The following ALG6 variants were observed in gnomAD, a reference collection of about 807,000 sequenced individuals.
ALG6 encodes dolichyl pyrophosphate Man9GlcNAc2 alpha-1,3-glucosyltransferase.
Under a neutral mutation model 66.6 loss-of-function variants are expected in ALG6, and 46 were observed. The ratio of observed to expected loss-of-function variants is 0.69; its 90% CI spans 0.55 to 0.88. The LOEUF (loss-of-function observed/expected upper bound fraction) is 0.88. ALG6 is among the 40% of genes least tolerant of loss of function. The pLI, the probability that ALG6 is intolerant of heterozygous loss-of-function variation, is 0.00. For synonymous variants in ALG6, 185 were observed against 203.7 expected (o/e 0.91, Z 0.78); for missense variants, 505 against 586.8 (o/e 0.86, Z 1.44).
intron 3 of ALG6, among the ~76,000 whole-genome samples, chr1:63,398,815 TC>T (rs1644427284): frequency 6.6e-6 from 1 of 152,170 alleles, no homozygotes; most frequent in Non-Finnish European, 1.5e-5. Flanking sequence ...TTCATTTCTT[TC>T]CCCCGTGTTT....
rs1036781607 is a variant in ALG6, at chr1:63,404,434, T to C, written c.258-19T>C. The C allele has an allele frequency of 2.5e-6, 4 of 1,580,548 alleles. No individual in the cohort carries two copies. Among genetic ancestry groups the C allele is most frequent in the Non-Finnish European group, 3.5e-6 (4 of 1,149,490 alleles). ...AGGGATGAGGAATGAAGTATCTGTA[T>C]ATATGCTTTGATTTGCAGGGCAAAG... On this transcript the variant is annotated intron_variant, in intron 4 of 14. Transcript: ENST00000263440.
intron 14 of ALG6, 47 bp downstream of exon 14, chr1:63,429,173 T>C (rs1375230159): frequency 7.4e-7 from 1 of 1,356,394 alleles, no homozygotes; most frequent in Non-Finnish European, 1.0e-6. Context: ...CATGTCACTA[T>C]TTTAAAAAAT....
chr1:63,394,444 A>G (rs1019367508), intron 2 of ALG6, among the ~76,000 whole-genome samples: 2 of 151,842 alleles, frequency 1.3e-5, no homozygotes, highest in African/African-American at 4.8e-5. Flanking sequence ...CAGTGGCGCA[A>G]TCTCAGCTCA....
At chr1:63,378,225 A>G (rs1347924381) in intron 2 of ALG6, among the ~76,000 whole-genome samples, 1 of 151,994 alleles carries the variant, frequency 6.6e-6, no homozygotes, top group Non-Finnish European at 1.5e-5. Flanking sequence ...TTTCAGTCTT[A>G]AAGTTTTGCT....
chr1:63,399,339 T>G (rs1322165655), intron 3 of ALG6, among the ~76,000 whole-genome samples: 1 of 152,206 alleles, frequency 6.6e-6, no homozygotes, highest in African/African-American at 2.4e-5. Context: ...CCTATCACAT[T>G]TACCATATTG....
intron 11 of ALG6, among the ~76,000 whole-genome samples, chr1:63,418,640 G>T (rs1644557126): frequency 6.6e-6 from 1 of 152,154 alleles, no homozygotes; most frequent in South Asian, 2.1e-4. Flanking sequence ...GCTGTTTGGA[G>T]AATGGACTAT....
In ALG6 at chr1:63,411,299, C is replaced by G. The variant is rs1270440540; in HGVS notation, c.648C>G (p.Gly216=). 16 of 1,613,556 alleles carry G rather than the reference C, an allele frequency of 9.9e-6. No homozygotes were observed. The highest frequency in any genetic ancestry group is 1.4e-5 in the Non-Finnish European group (16 of 1,179,828). The part of the protein sequence containing the change: ...HALPFFCFLL[G]KCFKKGLKGK... ...TGCCATTTTTTTGCTTTTTACTTGG[C>G]AAGTGTTTTAAAAAAGGCCTCAAAG... Residue 216 remains glycine, a synonymous_variant, in exon 8 of 15, where the codon GGC becomes GGG. Coordinates refer to ENST00000263440, the MANE Select transcript of ALG6 (RefSeq NM_013339.4).
intron 2 of ALG6, among the ~76,000 whole-genome samples, chr1:63,382,484 A>AT (rs1648350084): frequency 1.3e-5 from 2 of 149,858 alleles, no homozygotes; most frequent in South Asian, 4.2e-4. Flanking sequence ...ATTATTTATT[A>AT]TTTTTTTGAG....
Position 63,373,594 on chromosome 1 carries a change from C to CA in ALG6, c.82+2544dup, listed in dbSNP as rs990839472. ...TGGGCGACAGAGCAAGACTCTGCCT[C>CA]AAAAAAAAACAAAACAACACACTTT... On this transcript the variant is annotated intron_variant, in intron 2 of 14. Transcript: ENST00000263440. Among the ~76,000 whole-genome samples, 95 of 133,364 alleles carry CA rather than the reference C, an allele frequency of 7.1e-4. 2 individuals are homozygous for CA. Among genetic ancestry groups the CA allele is most frequent in the South Asian group, 6.7e-3 (27 of 4,006 alleles). 87.5% of individuals were successfully genotyped at this position (133,364 alleles called of 152,430 possible).
chr1:63,410,017 CTTG>C (rs1417094559), intron 7 of ALG6, among the ~76,000 whole-genome samples: 1 of 152,086 alleles, frequency 6.6e-6, no homozygotes, highest in Non-Finnish European at 1.5e-5. Flanking sequence ...CAGTTAATCT[CTTG>C]TTTTCTTCTG....
chr1:63,371,203 C>G, intron 2 of ALG6, 144 bp downstream of exon 2: 1 of 643,922 alleles, frequency 1.6e-6, no homozygotes, highest in Non-Finnish European at 2.8e-6. Context: ...ATTTAAATGT[C>G]CAGTTCTAAT....
At chr1:63,411,843 A>T in intron 8 of ALG6, 83 bp from the exon 9 acceptor site, 1 of 1,561,700 alleles carries the variant, frequency 6.4e-7, no homozygotes, top group Middle Eastern at 1.8e-4. Flanking sequence ...ATGTGCATGT[A>T]TTATGTTCAG....
intron 2 of ALG6, among the ~76,000 whole-genome samples, chr1:63,380,647 A>C (rs1345541641): frequency 6.6e-6 from 1 of 152,212 alleles, no homozygotes; most frequent in Non-Finnish European, 1.5e-5. Flanking sequence ...AAAATACTAC[A>C]AATTTTTAAA....
At chr1:63,396,477 A>AAAAAT (rs781341456) in intron 2 of ALG6, 36 bp from the exon 3 acceptor site, 112 of 1,529,290 alleles carry the variant, frequency 7.3e-5, no homozygotes, top group Non-Finnish European at 9.4e-5. Context: ...ATGCTAAAGT[A>AAAAAT]CATTGTTGTT....
At chr1:63,382,282 A>C (rs1041225517) in intron 2 of ALG6, among the ~76,000 whole-genome samples, 13 of 151,524 alleles carry the variant, frequency 8.6e-5, no homozygotes, top group African/African-American at 3.2e-4. Flanking sequence ...ACTTACTGCA[A>C]CCTCTGCCTC....
rs1273652168 is a variant in ALG6 at position 63,412,378 on chromosome 1, T to C, written c.816+317T>C. 2.0e-5 allele frequency among the ~76,000 whole-genome samples: 3 copies of C among 152,242 alleles called. No homozygotes were observed. The East Asian group carries it at 5.8e-4, about 29-fold the overall frequency. ...TGTGTGCACCTTGCTAGTTATTTAA[T>C]CCATTATATAACCCCTAGCTCAGGT... On this transcript the variant is annotated intron_variant, in intron 9 of 14. Coordinates refer to ENST00000263440, the MANE Select transcript of ALG6 (RefSeq NM_013339.4).
In ALG6 at chr1:63,415,953, C is replaced by T. The variant is rs779378556; in HGVS notation, c.983C>T (p.Thr328Ile). ...CCCTCTTCCAAAGGATTCAAATTTACACTGGTAAGTTTTTCATTACTTTAG... is the reference window on the plus strand; with the variant it reads ...CCCTCTTCCAAAGGATTCAAATTTATACTGGTAAGTTTTTCATTACTTTAG... ...LQPSSKGFKF[T>I]LVSCALSFFL... Residue 328 changes from threonine to isoleucine, a missense_variant, in exon 11 of 15, where the codon ACA becomes ATA. Thr to Ile is a moderately conservative substitution (Grantham distance 89, BLOSUM62 -1). Transcript: ENST00000263440. The T allele has an allele frequency of 1.9e-6, 3 of 1,601,856 alleles. No individual in the cohort carries two copies. Among genetic ancestry groups the T allele is most frequent in the East Asian group, 2.2e-5 (1 of 44,676 alleles).
chr1:63,404,253 A>G (rs1353537263), intron 4 of ALG6, among the ~76,000 whole-genome samples, 200 bp from the exon 5 acceptor site: 1 of 152,228 alleles, frequency 6.6e-6, no homozygotes, highest in Non-Finnish European at 1.5e-5. Context: ...GTTGGAAGGT[A>G]AGCAATGTAG....
intron 10 of ALG6, among the ~76,000 whole-genome samples, chr1:63,414,570 A>T (rs1479309882): frequency 6.6e-6 from 1 of 152,066 alleles, no homozygotes; most frequent in Non-Finnish European, 1.5e-5. Flanking sequence ...TCTTTAGAGG[A>T]TTTTCCACAT....
Sources: gnomAD v4.1 joint callset for allele counts (sites outside exome capture counted in the v4.1 genomes callset) on GRCh38, gnomAD v4.1.1 for gene constraint, MANE v1.5 for transcripts, NCBI Gene and HGNC (gene_info 2026-07-23, HGNC 2026-07-21) for gene names.